Variants in GRIP1 observed in about 807,000 individuals in gnomAD.
GRIP1 encodes the protein glutamate receptor interacting protein 1.
Under a neutral mutation model 129.9 loss-of-function variants are expected in GRIP1, and 45 were observed. That is an observed-to-expected ratio of 0.35 (90% confidence interval 0.27 to 0.44). GRIP1 has a LOEUF of 0.44. Among genes scored for constraint, GRIP1 ranks in the 20% least tolerant of loss-of-function variants. The pLI is 1.00. For missense variants in GRIP1, 1,196 were observed against 1,396.8 expected, an observed-to-expected ratio of 0.86 and a Z score of 2.29; for synonymous variants, 530 against 520.8, an observed-to-expected ratio of 1.02 and a Z score of -0.24.
At chr12:66,626,528 A>G (rs1592667717) in intron 1 of GRIP1, 2 of 152,152 alleles carry the variant, frequency 1.3e-5, no homozygotes, top group African/African-American at 4.8e-5. Flanking sequence ...AATGTCTTGA[A>G]TATAAACCAC....
intron 1 of GRIP1, among the ~76,000 whole-genome samples, chr12:66,761,689 G>T (rs1239296470): frequency 6.6e-6 from 1 of 152,124 alleles, no homozygotes; most frequent in Non-Finnish European, 1.5e-5. Context: ...CCACAGCAGG[G>T]CTCATTAAAT....
chr12:66,608,772 G>A (rs1253086858), intron 1 of GRIP1, among the ~76,000 whole-genome samples: 2 of 151,916 alleles, frequency 1.3e-5, no homozygotes, highest in African/African-American at 4.8e-5. Context: ...AAATAGTAAC[G>A]ACCACATAGG....
At chr12:66,634,245 T>G (rs1449478918) in intron 1 of GRIP1, among the ~76,000 whole-genome samples, 1 of 152,218 alleles carries the variant, frequency 6.6e-6, no homozygotes, top group Non-Finnish European at 1.5e-5. Context: ...TGTTACATTT[T>G]TTTTCCCACT....
intron 1 of GRIP1, among the ~76,000 whole-genome samples, chr12:66,913,153 T>C (rs1392134260): frequency 6.6e-6 from 1 of 152,204 alleles, no homozygotes; most frequent in Non-Finnish European, 1.5e-5. Context: ...AAACAAGTGC[T>C]TGAAACTCCA....
chr12:66,937,013 T>C (rs746368087), intron 1 of GRIP1, among the ~76,000 whole-genome samples: 22 of 152,204 alleles, frequency 1.4e-4, no homozygotes, highest in Non-Finnish European at 3.1e-4. Flanking sequence ...ATTAATCATC[T>C]ATTTGGAGGA....
intron 2 of GRIP1, among the ~76,000 whole-genome samples, chr12:66,586,986 C>T (rs796176204): frequency 9.9e-5 from 15 of 152,238 alleles, no homozygotes; most frequent in African/African-American, 2.9e-4. Context: ...GAATAATATC[C>T]AAACTCTTAC....
At chr12:66,524,508 C>A (rs1377831470) in intron 5 of GRIP1, among the ~76,000 whole-genome samples, 1 of 151,970 alleles carries the variant, frequency 6.6e-6, no homozygotes, top group Non-Finnish European at 1.5e-5. Flanking sequence ...ATACCAGAAT[C>A]TCTGGGACAC....
intron 1 of GRIP1, among the ~76,000 whole-genome samples, chr12:67,014,528 A>G (rs2042755917): frequency 6.6e-6 from 1 of 152,186 alleles, no homozygotes; most frequent in African/African-American, 2.4e-5. Flanking sequence ...ACATATTGAT[A>G]GCCTGAGAGG....
intron 2 of GRIP1, 103 bp downstream of exon 2, chr12:66,596,744 T>TATG: frequency 4.2e-6 from 2 of 480,618 alleles, no homozygotes; most frequent in Non-Finnish European, 8.1e-6. Flanking sequence ...TAACATGATT[T>TATG]ATTATTATTA....
At chr12:66,413,144 G>T (rs1265024606) in intron 15 of GRIP1, among the ~76,000 whole-genome samples, 1 of 151,948 alleles carries the variant, frequency 6.6e-6, no homozygotes, top group African/African-American at 2.4e-5. Flanking sequence ...ACCCCAAAAC[G>T]ACAGAATATA....
chr12:66,439,536 T>C (rs1022056220), intron 13 of GRIP1, among the ~76,000 whole-genome samples: 2 of 152,262 alleles, frequency 1.3e-5, no homozygotes, highest in Middle Eastern at 6.8e-3. Context: ...TGTAGTGTAG[T>C]GCTGCAGGTG....
At chr12:66,368,753 T>C (rs780406555) in intron 23 of GRIP1, among the ~76,000 whole-genome samples, 1 of 152,202 alleles carries the variant, frequency 6.6e-6, no homozygotes, top group Non-Finnish European at 1.5e-5. Flanking sequence ...TCACTTGTCT[T>C]TTCATGACAT....
chr12:66,779,457 A>T (rs1333842987), intron 1 of GRIP1, among the ~76,000 whole-genome samples: 1 of 152,208 alleles, frequency 6.6e-6, no homozygotes, highest in Non-Finnish European at 1.5e-5. Flanking sequence ...AATACTGGTG[A>T]ATTTGTGGAT....
intron 2 of GRIP1, among the ~76,000 whole-genome samples, chr12:66,586,083 TC>T (rs2063623045): frequency 6.6e-6 from 1 of 152,178 alleles, no homozygotes; most frequent in Non-Finnish European, 1.5e-5. Flanking sequence ...CTGGCCACTC[TC>T]CCATTTTTCT....
chr12:67,053,837 C>CA (rs11366291), intron 1 of GRIP1, among the ~76,000 whole-genome samples: 13 of 142,772 alleles, frequency 9.1e-5, no homozygotes, highest in African/African-American at 3.3e-4. Context: ...GACTCCATCT[C>CA]AAAAAAAAAA....
intron 1 of GRIP1, among the ~76,000 whole-genome samples, chr12:66,949,431 G>A (rs555910993): frequency 6.6e-6 from 1 of 152,270 alleles, no homozygotes; most frequent in Non-Finnish European, 1.5e-5. Flanking sequence ...AGCTCCGATA[G>A]CCTGCATGAT....
At chr12:66,646,722 C>A (rs1443488404) in intron 1 of GRIP1, among the ~76,000 whole-genome samples, 10 of 152,164 alleles carry the variant, frequency 6.6e-5, no homozygotes, top group African/African-American at 1.9e-4. Context: ...CCTGTCCCCA[C>A]CCCATTGATG....
At chr12:66,954,115 C>T (rs2041803546) in intron 1 of GRIP1, among the ~76,000 whole-genome samples, 2 of 152,144 alleles carry the variant, frequency 1.3e-5, no homozygotes, top group South Asian at 4.1e-4. Context: ...GCCTTTATCA[C>T]CTCTCATACT....
rs564938285 is a variant in GRIP1, at chr12:66,742,242, G to A, written c.-420+61811C>T. 2.0e-5 allele frequency among the ~76,000 whole-genome samples: 3 copies of A among 152,190 alleles called. No individual in the cohort carries two copies. In the South Asian group the frequency reaches 6.2e-4, roughly 32 times the overall value. On this transcript the variant is annotated intron_variant, in intron 1 of 4. Transcript: ENST00000538373. The stretch of plus-strand genomic sequence containing the variant: ...TGCTGTTATATTTGCATTTTTACTG[G>A]AAGCCACCTCAACTCATCTTTCTTT...
Sources: allele counts gnomAD v4.1 joint callset (sites outside exome capture counted in the v4.1 genomes callset), GRCh38; gene constraint gnomAD v4.1.1; transcripts MANE v1.5; gene names NCBI Gene and HGNC (gene_info 2026-07-23, HGNC 2026-07-21).